The following ST7 variants were observed in gnomAD, a reference collection of about 807,000 sequenced individuals.
ST7 encodes suppressor of tumorigenicity 7 protein.
In ST7, 28 loss-of-function variants were observed where a neutral mutation model predicts 78.7. The ratio of observed to expected loss-of-function variants is 0.36; its 90% CI spans 0.26 to 0.49. The LOEUF (loss-of-function observed/expected upper bound fraction) is 0.49. Among genes scored for constraint, ST7 ranks in the 20% least tolerant of loss-of-function variants. The probability of loss-of-function intolerance (pLI) is 0.99; values close to 1 mark genes in which losing one functional copy is unlikely to be tolerated. For missense variants in ST7, 418 were observed against 696.0 expected (o/e 0.60, Z 4.49); for synonymous variants, 247 against 249.6 (o/e 0.99, Z 0.10).
intron 1 of ST7, among the ~76,000 whole-genome samples, chr7:117,088,120 C>T (rs1212948373): frequency 6.6e-6 from 1 of 152,058 alleles, no homozygotes; most frequent in Non-Finnish European, 1.5e-5. Flanking sequence ...CTCTTCTTTC[C>T]TCTCTAATCT....
chr7:117,087,784 A>G (rs970067203), intron 1 of ST7, among the ~76,000 whole-genome samples: 1 of 152,090 alleles, frequency 6.6e-6, no homozygotes, highest in African/African-American at 2.4e-5. Flanking sequence ...CCTTTATGTC[A>G]CATTGGGAAA....
intron 13 of ST7, among the ~76,000 whole-genome samples, chr7:117,214,583 C>G (rs1216262077): frequency 6.6e-6 from 1 of 152,146 alleles, no homozygotes; most frequent in Non-Finnish European, 1.5e-5. Flanking sequence ...AGGCTAAATT[C>G]TGTAATTTCG....
chr7:117,225,095 A>G (rs560661201), intron 15 of ST7, among the ~76,000 whole-genome samples: 7 of 152,262 alleles, frequency 4.6e-5, no homozygotes, highest in African/African-American at 1.7e-4. Context: ...TTAACCAGCA[A>G]GGGGATTGGC....
chr7:117,022,323 A>G lies in ST7; in HGVS notation c.151+68632A>G, dbSNP rs535925419. Among the ~76,000 whole-genome samples the G allele has an allele frequency of 9.0e-4, 137 of 152,324 alleles. 3 individuals carry two copies. The South Asian group carries it at 0.018, about 21-fold the overall frequency. ...TAAGCTCTGTTTCTTGCTTATAGGT[A>G]GATTCGTACTGTCAGTGGATATCGT... On this transcript the variant is annotated intron_variant, in intron 1 of 15. Transcript: ENST00000323984.
At chr7:117,129,976 A>G (rs1804205220) in intron 4 of ST7, 129 bp downstream of exon 4, 5 of 626,700 alleles carry the variant, frequency 8.0e-6, no homozygotes, top group African/African-American at 5.9e-5. Flanking sequence ...TTTTAATACT[A>G]TCTTCAAATG....
intron 1 of ST7, among the ~76,000 whole-genome samples, chr7:116,987,868 C>T (rs986360229): frequency 4.6e-5 from 7 of 152,282 alleles, no homozygotes; most frequent in East Asian, 1.9e-4. Context: ...GGATTACAGA[C>T]GCCTACCACC....
At chr7:117,058,373 A>G (rs576406509) in intron 1 of ST7, among the ~76,000 whole-genome samples, 2 of 152,316 alleles carry the variant, frequency 1.3e-5, no homozygotes, top group South Asian at 2.1e-4. Context: ...CAGTTTGCAT[A>G]AAAGCACTTG....
chr7:117,061,136 G>A (rs1798330233), intron 1 of ST7, among the ~76,000 whole-genome samples: 1 of 152,120 alleles, frequency 6.6e-6, no homozygotes, highest in Admixed American at 6.6e-5. Flanking sequence ...AGGAGTTTTA[G>A]GTCCTGCCAT....
chr7:117,156,323 A>G (rs1329145261), intron 9 of ST7, among the ~76,000 whole-genome samples: 1 of 152,230 alleles, frequency 6.6e-6, no homozygotes, highest in East Asian at 1.9e-4. Flanking sequence ...AATCAAGGAA[A>G]GTTAAAAGTG....
In ST7 at chr7:116,984,113, CTG is replaced by C. The variant is rs56178812; in HGVS notation, c.151+30452_151+30453del. Among the ~76,000 whole-genome samples the C allele has an allele frequency of 2.9e-3, 417 of 144,694 alleles. 2 individuals carry two copies. The highest frequency in any genetic ancestry group is 9.7e-3 in the South Asian group (43 of 4,412). 94.9% of individuals were successfully genotyped at this position (144,694 alleles called of 152,430 possible). A position where few individuals can be genotyped will look rare whatever the true frequency, so the allele number is the denominator to read the frequency against. ...TCCAGTTTGCACGTATTTATGTCAG[CTG>C]TGTGTGTGTGTGTGTGTGTGTGTGT... On this transcript the variant is annotated intron_variant, in intron 1 of 15. Coordinates refer to ENST00000323984, the MANE Select transcript of ST7 (RefSeq NM_001369598.1).
chr7:117,031,863 T>C, intron 1 of ST7, among the ~76,000 whole-genome samples: 1 of 140,846 alleles, frequency 7.1e-6, no homozygotes, highest in Non-Finnish European at 1.5e-5. Flanking sequence ...TATATCTATC[T>C]ATCTATCTAT....
chr7:117,055,552 T>C (rs1798018974), intron 1 of ST7, among the ~76,000 whole-genome samples: 1 of 152,190 alleles, frequency 6.6e-6, no homozygotes, highest in Non-Finnish European at 1.5e-5. Context: ...ACAACTTCTC[T>C]TTGCTGGACC....
chr7:117,068,680 G>A (rs1463955985), intron 1 of ST7, among the ~76,000 whole-genome samples: 1 of 152,210 alleles, frequency 6.6e-6, no homozygotes, highest in African/African-American at 2.4e-5. Context: ...AGCAGCTGAC[G>A]TGGTGTGCCA....
chr7:117,224,012 G>A (rs1276914129), intron 15 of ST7: 3 of 913,002 alleles, frequency 3.3e-6, no homozygotes. Flanking sequence ...TCTTAGAGTT[G>A]AAAGGGACCT....
intron 2 of ST7, among the ~76,000 whole-genome samples, chr7:117,101,613 G>T (rs2116815167): frequency 6.6e-6 from 1 of 152,282 alleles, no homozygotes; most frequent in East Asian, 1.9e-4. Flanking sequence ...TGCCTCTCAA[G>T]AGTGGTGAAT....
chr7:117,124,258 T>A (rs914251796), intron 3 of ST7, among the ~76,000 whole-genome samples: 18 of 152,082 alleles, frequency 1.2e-4, no homozygotes, highest in African/African-American at 4.1e-4. Context: ...TAACTAACAC[T>A]CTTAGTGTCT....
chr7:117,192,869 T>C lies in ST7; in HGVS notation c.1254+1933T>C, dbSNP rs73470822. On this transcript the variant is annotated intron_variant, in intron 12 of 15. Coordinates refer to ENST00000323984, the MANE Select transcript of ST7 (RefSeq NM_001369598.1). ...CTAGGATTCCACCTGCAAAATAGAA[T>C]TATCCTAAAAGTGGAAACATTTCAA... Among the ~76,000 whole-genome samples, 347 of 152,264 alleles carry C rather than the reference T, an allele frequency of 2.3e-3. 2 individuals carry two copies. The highest frequency in any genetic ancestry group is 8.1e-3 in the African/African-American group (337 of 41,556).
chr7:117,164,444 G>A (rs1020030264), intron 9 of ST7, among the ~76,000 whole-genome samples: 1 of 152,144 alleles, frequency 6.6e-6, no homozygotes, highest in African/African-American at 2.4e-5. Context: ...TGAGGGGGTG[G>A]GTGGTGACAT....
intron 1 of ST7, among the ~76,000 whole-genome samples, chr7:116,989,023 A>G (rs1275316045): frequency 1.3e-5 from 2 of 152,232 alleles, no homozygotes; most frequent in African/African-American, 4.8e-5. Flanking sequence ...TATGATATAC[A>G]AGCCACACAT....
Sources: gnomAD v4.1 joint callset for allele counts (sites outside exome capture counted in the v4.1 genomes callset) on GRCh38, gnomAD v4.1.1 for gene constraint, MANE v1.5 for transcripts, NCBI Gene and HGNC (gene_info 2026-07-23, HGNC 2026-07-21) for gene names.